The following ROBO4 variants were observed in gnomAD, a reference collection of about 807,000 sequenced individuals.
ROBO4 encodes roundabout homolog 4.
ROBO4 carries 80 observed loss-of-function variants against 103.3 expected under a neutral mutation model. That is an observed-to-expected ratio of 0.77 (90% confidence interval 0.65 to 0.93). The LOEUF is 0.93. Ranked by LOEUF, ROBO4 falls within the 40% of genes least tolerant of loss-of-function variation. The probability of loss-of-function intolerance (pLI) is 0.00; values close to 1 mark genes in which losing one functional copy is unlikely to be tolerated. For missense variants in ROBO4, 1,333 were observed against 1,305.3 expected, an observed-to-expected ratio of 1.02 and a Z score of -0.33; for synonymous variants, 504 against 529.7, an observed-to-expected ratio of 0.95 and a Z score of 0.67.
At chr11:124,896,879 A>G (rs1946901737) in intron 2 of ROBO4, 53 bp downstream of exon 2, 1 of 1,576,902 alleles carries the variant, frequency 6.3e-7, no homozygotes, top group East Asian at 2.3e-5. Flanking sequence ...CATTCAGCTC[A>G]GATGTCTCCA....
In ROBO4 at chr11:124,893,324, T is replaced by A. The variant is rs532647973; in HGVS notation, c.1547+364A>T. Among the ~76,000 whole-genome samples the A allele has an allele frequency of 2.0e-5, 3 of 152,310 alleles. No homozygotes were observed. The South Asian group carries it at 6.2e-4, about 32-fold the overall frequency. ...AGGCACAATGGCTCAGTGAGAGAAT[T>A]ACTGAGTGCAAAGGCACTACTTGGT... is the stretch of plus-strand genomic sequence containing the variant. On this transcript the variant is annotated intron_variant, in intron 10 of 17. Transcript: ENST00000306534.
At position 124,886,251 on chromosome 11, in the gene ROBO4, T is replaced by C. The variant is rs1322526889; in HGVS notation, c.2794+213A>G. The C allele has an allele frequency of 1.7e-5, 8 of 474,262 alleles. No individual in the cohort carries two copies. In the South Asian group the frequency reaches 2.1e-4, roughly 12 times the overall value. 29.4% of individuals were successfully genotyped at this position (474,262 alleles called of 1,614,324 possible). ...GGTGAACTTGGGCAAGCCAATAAAATTATCTGACTTACAGTTTCCTCATTA... is the reference window on the plus strand; with the variant it reads ...GGTGAACTTGGGCAAGCCAATAAAACTATCTGACTTACAGTTTCCTCATTA... On this transcript the variant is annotated intron_variant, in intron 16 of 17. Coordinates refer to ENST00000306534, the MANE Select transcript of ROBO4 (RefSeq NM_019055.6).
chr11:124,895,905 C>T lies in ROBO4; in HGVS notation c.687G>A (p.Gln229=), dbSNP rs1287080738. 11 of 1,613,678 alleles carry T rather than the reference C, an allele frequency of 6.8e-6. No individual in the cohort carries two copies. Among genetic ancestry groups the T allele is most frequent in the Non-Finnish European group, 9.3e-6 (11 of 1,180,012 alleles). Residue 229 remains glutamine, a synonymous_variant, in exon 5 of 18, where the codon CAG becomes CAA. Transcript: ENST00000306534. The part of the protein sequence containing the change: ...RAARVSIQEP[Q]DYTEPVELLA... Reference sequence around the variant, plus strand: ...GAAGCTCCACAGGCTCCGTGTAGTCCTGGGGCTCTGTGGGGAGGATAGGGC... The same window carrying T: ...GAAGCTCCACAGGCTCCGTGTAGTCTTGGGGCTCTGTGGGGAGGATAGGGC...
At chr11:124,884,952 C>T in intron 17 of ROBO4, 39 bp from the exon 18 acceptor site, 1 of 1,614,200 alleles carries the variant, frequency 6.2e-7, no homozygotes, top group Middle Eastern at 1.6e-4. Context: ...CTCCTTATCT[C>T]CCTTCCCCAG....
rs745506702 is a variant in ROBO4 at position 124,886,696 on chromosome 11, T to TCC, written c.2560_2561dup (p.Val855GlufsTer20). Reference sequence around the variant, plus strand: ...AGGGCCGAGGTGGGCACAGCAAGACTCCCCCCTTGGGCCCCACCCCTCCTC... The same window carrying TCC: ...AGGGCCGAGGTGGGCACAGCAAGACTCCCCCCCCTTGGGCCCCACCCCTCCTC... On this transcript the variant is annotated frameshift_variant, in exon 16 of 18. Transcript: ENST00000306534. LOFTEE classifies it high-confidence loss of function. 3.1e-6 allele frequency: 5 copies of TCC among 1,609,074 alleles called. No homozygotes were observed. In the South Asian group the frequency reaches 4.4e-5, roughly 14 times the overall value.
chr11:124,895,171 T>A lies in ROBO4; in HGVS notation c.1059A>T (p.Glu353Asp), dbSNP rs1946863331. 1 of 1,614,058 alleles carries A rather than the reference T, an allele frequency of 6.2e-7. No individual in the cohort carries two copies. ...TGCCATTGCCAGGCTTTAGAGTCAC[T>A]TCCTGAGGTGGGGCACTGGGCACTG... Reference protein sequence around the residue: ...PEKVPSAPPQEVTLKPGNGTV... With the variant: ...PEKVPSAPPQDVTLKPGNGTV... The change falls in exon 7 of 18, where the codon GAA becomes GAT. Residue 353 changes from glutamate to aspartate, a missense_variant. Physicochemically the swap from Glu to Asp is conservative, Grantham distance 45 (BLOSUM62 2). Coordinates refer to ENST00000306534, the MANE Select transcript of ROBO4 (RefSeq NM_019055.6).
At position 124,884,718 on chromosome 11, in the gene ROBO4, TTTTGTTTTCA is replaced by T. The variant is rs1946683555; in HGVS notation, c.*163_*172del. 7 of 748,744 alleles carry T rather than the reference TTTTGTTTTCA, an allele frequency of 9.3e-6. No homozygotes were observed. The highest frequency in any genetic ancestry group is 2.4e-5 in the Admixed American group (1 of 41,688). The allele number at this position is 748,744 out of a possible 1,614,324, so 46.4% of individuals were successfully genotyped here. A position where few individuals can be genotyped will look rare whatever the true frequency, so the allele number is the denominator to read the frequency against. On this transcript the variant is annotated 3_prime_UTR_variant, in exon 18 of 18. Coordinates refer to ENST00000306534, the MANE Select transcript of ROBO4 (RefSeq NM_019055.6). ...GGGCTCCAGGTCAGCTTTGCTCTAA[TTTTGTTTTCA>T]TTTGTTTTCACAATCGTGGAGGGAG...
intron 12 of ROBO4, among the ~76,000 whole-genome samples, chr11:124,888,610 T>C (rs1277945117): frequency 6.6e-6 from 1 of 152,206 alleles, no homozygotes; most frequent in African/African-American, 2.4e-5. Context: ...ATCAGAAATG[T>C]GGATATAAAC....
chr11:124,889,410 C>T (rs539270092), intron 12 of ROBO4, among the ~76,000 whole-genome samples: 2 of 152,306 alleles, frequency 1.3e-5, no homozygotes, highest in African/African-American at 4.8e-5. Flanking sequence ...GTTTCACTTC[C>T]TCTAAGGGAC....
chr11:124,891,553 C>T lies in ROBO4; in HGVS notation c.1694G>A (p.Trp565Ter). ...GGGCACGCCGGGGCTTCGGGAGTCC[C>T]AGGAGAGCACTGTGACATAAATGAC... ...PLDCRRSLLS[W>*]DSRSPGVPLL... The change falls in exon 12 of 18, where the codon TGG (tryptophan) becomes TAG (stop). Residue 565 changes from tryptophan (W) to a stop codon, truncating the protein, a stop_gained. Coordinates refer to ENST00000306534, the MANE Select transcript of ROBO4 (RefSeq NM_019055.6). LOFTEE classifies it high-confidence loss of function. 6.2e-7 allele frequency: 1 copy of T among 1,614,190 alleles called. No homozygotes were observed. Among genetic ancestry groups the T allele is most frequent in the African/African-American group, 1.3e-5 (1 of 75,036 alleles).
intron 12 of ROBO4, among the ~76,000 whole-genome samples, chr11:124,888,583 G>C (rs74622109): frequency 6.6e-6 from 1 of 152,230 alleles, no homozygotes; most frequent in South Asian, 2.1e-4. Flanking sequence ...GAATGAAAGA[G>C]TGAATGCATG....
chr11:124,894,993 C>T, intron 7 of ROBO4, 88 bp downstream of exon 7: 1 of 1,021,162 alleles, frequency 9.8e-7, no homozygotes, highest in African/African-American at 1.6e-5. Flanking sequence ...GTACCTTTCT[C>T]AGTGCCCAGA....
At chr11:124,889,021 G>A (rs1164462134) in intron 12 of ROBO4, among the ~76,000 whole-genome samples, 3 of 152,102 alleles carry the variant, frequency 2.0e-5, no homozygotes, top group African/African-American at 7.2e-5. Flanking sequence ...GAGATCTGGG[G>A]GCCACTACGG....
intron 9 of ROBO4, 59 bp downstream of exon 9, chr11:124,893,801 C>T (rs1053574779): frequency 1.1e-5 from 17 of 1,612,810 alleles, no homozygotes; most frequent in Non-Finnish European, 1.4e-5. Context: ...AGCCCCTGCA[C>T]CATTCTGGCT....
Position 124,891,483 on chromosome 11 carries a change from C to G in ROBO4, c.1764G>C (p.Glu588Asp). The G allele has an allele frequency of 6.2e-7, 1 of 1,613,294 alleles. No homozygotes were observed. Among genetic ancestry groups the G allele is most frequent in the Non-Finnish European group, 8.5e-7 (1 of 1,179,572 alleles). ...TSTFYGSLIA[E>D]LPSSTPARPS... The stretch of plus-strand genomic sequence containing the variant: ...GCCTGGCTGGGGTACTGGAGGGCAG[C>G]TCAGCGATGAGGGAGCCATAAAAAG... Residue 588 changes from glutamate (E) to aspartate (D), a missense_variant, in exon 12 of 18, where the codon GAG (glutamate) becomes GAC (aspartate). Coordinates refer to ENST00000306534, the MANE Select transcript of ROBO4 (RefSeq NM_019055.6).
Position 124,884,676 on chromosome 11 carries a change from G to C in ROBO4, c.*215C>G. 1 of 613,020 alleles carries C rather than the reference G, an allele frequency of 1.6e-6. No individual in the cohort carries two copies. 38.0% of individuals were successfully genotyped at this position (613,020 alleles called of 1,614,324 possible). A position where few individuals can be genotyped will look rare whatever the true frequency, so the allele number is the denominator to read the frequency against. ...CAGTGGCTAGGAGTCAGGTGGAGATGATGTTTTGCTCCCTGAGGGCTCCAG... is the reference window on the plus strand; with the variant it reads ...CAGTGGCTAGGAGTCAGGTGGAGATCATGTTTTGCTCCCTGAGGGCTCCAG... On this transcript the variant is annotated 3_prime_UTR_variant, in exon 18 of 18. Transcript: ENST00000306534.
intron 12 of ROBO4, among the ~76,000 whole-genome samples, chr11:124,888,121 C>T (rs1047215742): frequency 6.6e-6 from 1 of 152,220 alleles, no homozygotes; most frequent in Admixed American, 6.5e-5. Flanking sequence ...GTGTAAACAA[C>T]CACTTCGAAT....
In ROBO4 at chr11:124,896,229, C is replaced by T. The variant is rs377431257; in HGVS notation, c.648G>A (p.Arg216=). ...TGGAAACCCGGGCTGCGCGGCTCTC[C>T]CTATGTCCTGCGCTGTTGGTGGCCA... The part of the protein sequence containing the change: ...MCVATNSAGH[R]ESRAARVSIQ... The change falls in exon 4 of 18, where the codon AGG becomes AGA. Residue 216 remains arginine, a synonymous_variant. Coordinates refer to ENST00000306534, the MANE Select transcript of ROBO4 (RefSeq NM_019055.6). The T allele has an allele frequency of 3.1e-6, 5 of 1,614,042 alleles. No homozygotes were observed. Among genetic ancestry groups the T allele is most frequent in the Non-Finnish European group, 4.2e-6 (5 of 1,180,032 alleles).
Position 124,891,691 on chromosome 11 carries a change from C to G in ROBO4, c.1659G>C (p.Arg553=). The G allele has an allele frequency of 6.2e-7, 1 of 1,614,150 alleles. No individual in the cohort carries two copies. The highest frequency in any genetic ancestry group is 8.5e-7 in the Non-Finnish European group (1 of 1,180,028). Residue 553 remains arginine (R), a synonymous_variant, in exon 11 of 18, where the codon CGG becomes CGC. Transcript: ENST00000306534. ...SLSSRLGADA[R]DPLDCRRSLL... is the part of the protein sequence containing the mutation. ...AGGAGCGACGACAGTCTAGTGGGTC[C>G]CGGGCATCCGCCCCCAGCCGACTGC...
Sources: gnomAD v4.1 joint callset for allele counts (sites outside exome capture counted in the v4.1 genomes callset) on GRCh38, gnomAD v4.1.1 for gene constraint, MANE v1.5 for transcripts, NCBI Gene and HGNC (gene_info 2026-07-23, HGNC 2026-07-21) for gene names.